The following CACNA1A variants were observed in gnomAD, a reference collection of about 807,000 sequenced individuals.
CACNA1A encodes calcium voltage-gated channel subunit alpha1 A, also known as voltage-dependent P/Q-type calcium channel subunit alpha-1A.
In CACNA1A, 57 loss-of-function variants were observed where a neutral mutation model predicts 262.4. The ratio of observed to expected loss-of-function variants is 0.22; its 90% CI spans 0.18 to 0.27. CACNA1A has a LOEUF of 0.27. Ranked by LOEUF, CACNA1A falls within the 10% of genes least tolerant of loss-of-function variation. The pLI, the probability that CACNA1A is intolerant of heterozygous loss-of-function variation, is 1.00. For missense variants in CACNA1A, 2,526 were observed against 3,562.8 expected, an observed-to-expected ratio of 0.71 and a Z score of 7.41; for synonymous variants, 1,431 against 1,419.3, an observed-to-expected ratio of 1.01 and a Z score of -0.18.
intron 20 of CACNA1A, among the ~76,000 whole-genome samples, chr19:13,285,952 A>ATTTTT (rs74181819): frequency 3.1e-5 from 3 of 95,816 alleles, no homozygotes; most frequent in African/African-American, 4.2e-5. Context: ...GCAGTTCACC[A>ATTTTT]TTTTTTTTTT....
intron 24 of CACNA1A, among the ~76,000 whole-genome samples, chr19:13,266,025 G>C (rs2056852920): frequency 6.6e-6 from 1 of 151,936 alleles, no homozygotes; most frequent in Admixed American, 6.6e-5. Flanking sequence ...TGTATTTTTA[G>C]TAGAGACGGG....
chr19:13,459,169 A>G (rs2061070519), intron 1 of CACNA1A, among the ~76,000 whole-genome samples: 1 of 152,118 alleles, frequency 6.6e-6, no homozygotes, highest in African/African-American at 2.4e-5. Flanking sequence ...GAACTTGACC[A>G]TGCTAAACCT....
intron 36 of CACNA1A, chr19:13,228,829 A>G (rs550418144): frequency 5.4e-6 from 7 of 1,296,094 alleles, no homozygotes; most frequent in African/African-American, 3.0e-5. Flanking sequence ...AGTGCAGGCA[A>G]TGGGTTCACA....
intron 3 of CACNA1A, among the ~76,000 whole-genome samples, chr19:13,431,975 C>T (rs1421453170): frequency 1.3e-5 from 2 of 151,498 alleles, no homozygotes; most frequent in African/African-American, 4.9e-5. Flanking sequence ...CGTGGTGGTG[C>T]ACACCTCTAG....
intron 11 of CACNA1A, chr19:13,315,904 G>A (rs1450007766): frequency 6.6e-6 from 1 of 152,112 alleles, no homozygotes; most frequent in Non-Finnish European, 1.5e-5. Context: ...CAAAGCCAGG[G>A]CATCCACCTG....
At chr19:13,419,334 C>T (rs113954919) in intron 3 of CACNA1A, among the ~76,000 whole-genome samples, 73 of 152,328 alleles carry the variant, frequency 4.8e-4, no homozygotes, top group African/African-American at 1.7e-3. Context: ...AAGTTCTCTA[C>T]ATGATGTCCA....
At chr19:13,505,325 C>G (rs1982891384) in intron 1 of CACNA1A, among the ~76,000 whole-genome samples, 1 of 152,178 alleles carries the variant, frequency 6.6e-6, no homozygotes, top group African/African-American at 2.4e-5. Flanking sequence ...CCCTGGGGTA[C>G]TCACTTCGGC....
rs2057137044 is a variant in CACNA1A at position 13,275,941 on chromosome 19, G to A, written c.3898C>T (p.Leu1300Phe). The A allele has an allele frequency of 6.2e-7, 1 of 1,612,788 alleles. No homozygotes were observed. Among genetic ancestry groups the A allele is most frequent in the African/African-American group, 1.3e-5 (1 of 75,008 alleles). ...AAGTAGGCACCCTGATGCAGGACGAGCCCCAGGTCAATCATCTGTGGGGGA... is the reference window on the plus strand; with the variant it reads ...AAGTAGGCACCCTGATGCAGGACGAACCCCAGGTCAATCATCTGTGGGGGA... ...EMVIKMIDLG[L>F]VLHQGAYFRD... Residue 1300 changes from leucine (L) to phenylalanine (F), a missense_variant, in exon 24 of 47, where the codon CTC becomes TTC. Transcript: ENST00000360228.
chr19:13,241,313 G>A lies in CACNA1A; in HGVS notation c.4950+3869C>T, dbSNP rs1040852940. ...AACAGAAAACCCCCATTCAGAACCC[G>A]ATAAAAACAGAGAGACAGAGTCTAC... On this transcript the variant is annotated intron_variant, in intron 31 of 46. Transcript: ENST00000360228. This position sits in a 1 kb window ranked among gnomAD's most constrained non-coding sequence, Gnocchi z 4.0. 9.9e-5 allele frequency among the ~76,000 whole-genome samples: 15 copies of A among 152,036 alleles called. No individual in the cohort carries two copies. The highest frequency in any genetic ancestry group is 3.6e-4 in the African/African-American group (15 of 41,388).
Position 13,214,491 on chromosome 19 carries a change from C to T in CACNA1A, c.5839+10G>A, listed in dbSNP as rs371733571. 1.9e-6 allele frequency: 3 copies of T among 1,608,334 alleles called. No homozygotes were observed. Among genetic ancestry groups the T allele is most frequent in the Admixed American group, 1.7e-5 (1 of 59,838 alleles). On this transcript the variant is annotated intron_variant, in intron 39 of 46. Coordinates refer to ENST00000360228, the MANE Select transcript of CACNA1A (RefSeq NM_001127222.2). The surrounding 1 kb of genome is among the most constrained non-coding windows in gnomAD (Gnocchi z 4.1). The stretch of plus-strand genomic sequence containing the variant: ...GTGGATTGGATCCCAGGGCTGGGCT[C>T]AGCTCTTACACTTGTGAGGTGTGAC...
intron 34 of CACNA1A, among the ~76,000 whole-genome samples, chr19:13,232,180 T>C (rs1390486204): frequency 6.6e-6 from 1 of 151,840 alleles, no homozygotes. Flanking sequence ...TCTCTTTCTT[T>C]TCCTTTCTTT....
intron 3 of CACNA1A, among the ~76,000 whole-genome samples, chr19:13,402,346 T>C (rs1037499796): frequency 2.4e-4 from 37 of 151,930 alleles, no homozygotes; most frequent in African/African-American, 8.2e-4. Flanking sequence ...AGAATGTGGG[T>C]GAGTAAAATA....
At chr19:13,353,718 G>A (rs572000349) in intron 6 of CACNA1A, among the ~76,000 whole-genome samples, 3 of 152,232 alleles carry the variant, frequency 2.0e-5, no homozygotes, top group South Asian at 2.1e-4. Flanking sequence ...AACAAGAAAC[G>A]AATACAAAAT....
intron 30 of CACNA1A, among the ~76,000 whole-genome samples, chr19:13,250,340 G>A (rs2056362985): frequency 1.3e-5 from 2 of 151,854 alleles, no homozygotes. Context: ...GATTACAGGT[G>A]TGAGCCATCA....
chr19:13,245,110 C>G (rs16037), intron 31 of CACNA1A, 72 bp downstream of exon 31: 67 of 1,195,094 alleles, frequency 5.6e-5, no homozygotes, highest in Non-Finnish European at 7.5e-5. Context: ...CCTCTGGGAC[C>G]GCTCCCCCGC....
chr19:13,356,466 T>C (rs529833624), intron 6 of CACNA1A, among the ~76,000 whole-genome samples: 2 of 152,262 alleles, frequency 1.3e-5, no homozygotes, highest in African/African-American at 4.8e-5. Flanking sequence ...ACCACTCAGT[T>C]TGTGTCCCCA....
intron 1 of CACNA1A, among the ~76,000 whole-genome samples, chr19:13,458,512 T>A (rs1454214523): frequency 6.6e-6 from 1 of 152,024 alleles, no homozygotes; most frequent in Non-Finnish European, 1.5e-5. Flanking sequence ...AAAAAAAAAA[T>A]TACAGTGATC....
chr19:13,427,309 A>G (rs923911944), intron 3 of CACNA1A, among the ~76,000 whole-genome samples: 1 of 152,022 alleles, frequency 6.6e-6, no homozygotes, highest in Non-Finnish European at 1.5e-5. Context: ...TAAATTAGCC[A>G]GGCGTGGTGG....
intron 1 of CACNA1A, among the ~76,000 whole-genome samples, chr19:13,467,607 C>CT (rs57816533): frequency 0.22 from 30,851 of 142,828 alleles, 6,196 homozygotes; most frequent in African/African-American, 0.52. Context: ...TTTTTCTTTT[C>CT]TTTTTTTTTT....
Sources: allele counts gnomAD v4.1 joint callset (sites outside exome capture counted in the v4.1 genomes callset), GRCh38; gene constraint gnomAD v4.1.1; non-coding constraint Gnocchi (gnomAD v3.1); transcripts MANE v1.5; gene names NCBI Gene and HGNC (gene_info 2026-07-23, HGNC 2026-07-21).